The following MINDY1 variants were observed in gnomAD, a reference collection of about 807,000 sequenced individuals.
The protein encoded by MINDY1 is MINDY lysine 48 deubiquitinase 1.
In MINDY1, 50 loss-of-function variants were observed where a neutral mutation model predicts 53.6. The ratio of observed to expected loss-of-function variants is 0.93; its 90% CI spans 0.74 to 1.18. MINDY1 has a LOEUF of 1.18. MINDY1 is among the 50% of genes most tolerant of loss of function. The probability of loss-of-function intolerance (pLI) is 0.00; values close to 1 mark genes in which losing one functional copy is unlikely to be tolerated. For missense variants in MINDY1, 484 were observed against 578.6 expected, an observed-to-expected ratio of 0.84 and a Z score of 1.68; for synonymous variants, 231 against 234.7, an observed-to-expected ratio of 0.98 and a Z score of 0.14.
At chr1:151,000,329 G>C in intron 5 of MINDY1, 128 bp downstream of exon 5, 1 of 964,038 alleles carries the variant, frequency 1.0e-6, no homozygotes, top group Non-Finnish European at 1.5e-6. Flanking sequence ...ACTGGGTCCA[G>C]TCTCTAAACA....
upstream of MINDY1, among the ~76,000 whole-genome samples, chr1:151,007,755 T>G (rs587765698): frequency 1.3e-4 from 20 of 152,244 alleles, no homozygotes; most frequent in Middle Eastern, 3.4e-3. Flanking sequence ...AAAGTGGCAG[T>G]TAAGGGAGGT....
At position 150,997,701 on chromosome 1, in the gene MINDY1, G is replaced by T. The variant is rs747648667; in HGVS notation, c.1252C>A (p.Gln418Lys). The change falls in exon 9 of 10, where the codon CAG (glutamine) becomes AAG (lysine). Residue 418 changes from glutamine (Q) to lysine (K), a missense_variant. By Grantham distance (53) the Gln-to-Lys change is moderately conservative. Coordinates refer to ENST00000683666, the MANE Select transcript of MINDY1 (RefSeq NM_001376665.1). ...TGTTGATACTCCTCTTGCTGAAGCTGCTGGGCCAGCTCCAAGTCGGTAAGC... is the reference window on the plus strand; with the variant it reads ...TGTTGATACTCCTCTTGCTGAAGCTTCTGGGCCAGCTCCAAGTCGGTAAGC... ...LGLTDLELAQQLQQEEYQQQQ... is the reference protein window; with the variant it reads ...LGLTDLELAQKLQQEEYQQQQ... 6.2e-7 allele frequency: 1 copy of T among 1,613,730 alleles called. No individual in the cohort carries two copies. The highest frequency in any genetic ancestry group is 8.5e-7 in the Non-Finnish European group (1 of 1,180,030).
At chr1:150,997,558 G>A (rs1453128323) in intron 9 of MINDY1, 66 bp downstream of exon 9, 2 of 1,601,324 alleles carry the variant, frequency 1.2e-6, no homozygotes, top group East Asian at 2.2e-5. Flanking sequence ...AGGAATAACA[G>A]GTGTTCTGGA....
chr1:151,000,525 T>C lies in MINDY1; in HGVS notation c.667A>G (p.Thr223Ala). Residue 223 changes from threonine (T) to alanine (A), a missense_variant, in exon 5 of 10, where the codon ACA (threonine) becomes GCA (alanine). Transcript: ENST00000683666. ...RFTGVSDFEY[T>A]PECSVFDLLG... Reference sequence around the variant, plus strand: ...AGGTCAAAGACACTGCACTCGGGTGTATACTCAAAATCAGAGACGCCTGTG... The same window carrying C: ...AGGTCAAAGACACTGCACTCGGGTGCATACTCAAAATCAGAGACGCCTGTG... 6.2e-7 allele frequency: 1 copy of C among 1,614,112 alleles called. No individual in the cohort carries two copies. Among genetic ancestry groups the C allele is most frequent in the South Asian group, 1.1e-5 (1 of 91,070 alleles).
rs587699838 is a variant in MINDY1, at chr1:151,006,394, G to A, written c.-172C>T. The A allele has an allele frequency of 7.4e-7, 1 of 1,350,196 alleles. No homozygotes were observed. Among genetic ancestry groups the A allele is most frequent in the South Asian group, 1.7e-5 (1 of 59,742 alleles). 83.6% of individuals were successfully genotyped at this position (1,350,196 alleles called of 1,614,324 possible). Reference sequence around the variant, plus strand: ...GATGGGGGAGATAGGTGCAATGAAGGGGGCTGCCAGTGCCAGCTGCCTTCC... The same window carrying A: ...GATGGGGGAGATAGGTGCAATGAAGAGGGCTGCCAGTGCCAGCTGCCTTCC... On this transcript the variant is annotated 5_prime_UTR_variant, in exon 1 of 10. Coordinates refer to ENST00000683666, the MANE Select transcript of MINDY1 (RefSeq NM_001376665.1).
Position 151,001,615 on chromosome 1 carries a change from C to G in MINDY1, c.511+110G>C. The G allele has an allele frequency of 2.2e-6, 3 of 1,358,128 alleles. No individual in the cohort carries two copies. In the South Asian group the frequency reaches 3.8e-5, roughly 17 times the overall value. The allele number at this position is 1,358,128 out of a possible 1,614,324, so 84.1% of individuals were successfully genotyped here. On this transcript the variant is annotated intron_variant, in intron 3 of 9. Transcript: ENST00000683666. ...GAAGCCCCATAGACCCTTACCCTCC[C>G]TGCTGTATCAGAACCCCCAAATGGA...
rs756429078 is a variant in MINDY1 at position 150,999,350 on chromosome 1, A to AC, written c.981+18dup. On this transcript the variant is annotated intron_variant, in intron 7 of 9. Transcript: ENST00000683666. This position sits in a 1 kb window ranked among gnomAD's most constrained non-coding sequence, Gnocchi z 4.4. ...GGAAATGACAGCACCGCAGCACGCC[A>AC]CCCCCAAACTCGCATTACCTTATGC... is the stretch of plus-strand genomic sequence containing the variant. 9 of 1,613,200 alleles carry AC rather than the reference A, an allele frequency of 5.6e-6. No individual in the cohort carries two copies. The highest frequency in any genetic ancestry group is 6.8e-6 in the Non-Finnish European group (8 of 1,179,472).
At chr1:151,001,830 C>T (rs587720001) in intron 2 of MINDY1, 48 bp from the exon 3 acceptor site, 1 of 1,558,554 alleles carries the variant, frequency 6.4e-7, no homozygotes, top group South Asian at 1.2e-5. Context: ...CCAAAGAGCA[C>T]TGAAGGAAGA....
At position 151,002,114 on chromosome 1, in the gene MINDY1, G is replaced by A; in HGVS notation, c.453+51C>T. ...CAGGATGATCAAGGAAGTAAGTCAG[G>A]GAAGAGTACTCCCTGATATTTTTTG... On this transcript the variant is annotated intron_variant, in intron 2 of 9. Coordinates refer to ENST00000683666, the MANE Select transcript of MINDY1 (RefSeq NM_001376665.1). The surrounding 1 kb of genome is among the most constrained non-coding windows in gnomAD (Gnocchi z 4.1). 6.6e-7 allele frequency: 1 copy of A among 1,512,562 alleles called. No homozygotes were observed. The highest frequency in any genetic ancestry group is 1.8e-4 in the Middle Eastern group (1 of 5,468). 93.7% of individuals were successfully genotyped at this position (1,512,562 alleles called of 1,614,324 possible).
chr1:151,007,042 C>T (rs1473552053), upstream of MINDY1: 3 of 238,092 alleles, frequency 1.3e-5, no homozygotes, highest in South Asian at 3.1e-4. Context: ...GCAAAGAGCA[C>T]GATATTTGCA....
At chr1:151,008,380 T>G, upstream of MINDY1, 1 of 1,220,004 alleles carries the variant, frequency 8.2e-7, no homozygotes, top group Non-Finnish European at 1.1e-6. Context: ...CGGAAAGACG[T>G]CCCAGGAGCC....
Position 151,000,492 on chromosome 1 carries a change from T to G in MINDY1, c.700A>C (p.Ile234Leu). 1 of 1,613,498 alleles carries G rather than the reference T, an allele frequency of 6.2e-7. No individual in the cohort carries two copies. The highest frequency in any genetic ancestry group is 8.5e-7 in the Non-Finnish European group (1 of 1,179,778). The change falls in exon 5 of 10, where the codon ATA becomes CTA. Residue 234 changes from isoleucine to leucine, a missense_variant. Physicochemically the swap from Ile to Leu is conservative, Grantham distance 5. Transcript: ENST00000683666. Reference protein sequence around the residue: ...PECSVFDLLGIPLYHGWLVDP... With the variant: ...PECSVFDLLGLPLYHGWLVDP... ...ACAAGCCAGCCATGGTACAGAGGTA[T>G]GCCTAGCAGGTCAAAGACACTGCAC...
At chr1:150,997,928 G>T in intron 8 of MINDY1, 149 bp from the exon 9 acceptor site, 1 of 1,147,650 alleles carries the variant, frequency 8.7e-7, no homozygotes, top group Non-Finnish European at 1.2e-6. Context: ...ATTATCTGTG[G>T]TGCCAGAGAA....
intron 2 of MINDY1, 99 bp from the exon 3 acceptor site, chr1:151,001,881 G>T: frequency 2.2e-6 from 3 of 1,359,594 alleles, no homozygotes; most frequent in Non-Finnish European, 3.0e-6. Context: ...AGTAGGGTGG[G>T]GTAGGAAAAA....
chr1:151,001,204 C>T, intron 4 of MINDY1, 46 bp downstream of exon 4: 3 of 1,589,308 alleles, frequency 1.9e-6, no homozygotes, highest in Non-Finnish European at 2.6e-6. Context: ...CAAGATGTCC[C>T]CTTACAAACC....
chr1:151,000,356 C>T (rs1040196422), intron 5 of MINDY1, 101 bp downstream of exon 5: 2 of 1,247,396 alleles, frequency 1.6e-6, no homozygotes, highest in Non-Finnish European at 1.1e-6. Flanking sequence ...CCCTCCCAAG[C>T]CAATCTAACC....
chr1:151,000,771 T>C (rs765638670), intron 4 of MINDY1, among the ~76,000 whole-genome samples, 156 bp from the exon 5 acceptor site: 2 of 152,184 alleles, frequency 1.3e-5, no homozygotes, highest in South Asian at 2.1e-4. Context: ...CTCTATCTTA[T>C]ATAAATGAAC....
At chr1:151,006,006 T>C in intron 1 of MINDY1, 1 of 1,472,732 alleles carries the variant, frequency 6.8e-7, no homozygotes, top group Non-Finnish European at 9.2e-7. Flanking sequence ...CCAATCTCCT[T>C]CTTAGTCTGA....
At chr1:151,004,484 C>T (rs1558061056) in intron 1 of MINDY1, among the ~76,000 whole-genome samples, 1 of 152,070 alleles carries the variant, frequency 6.6e-6, no homozygotes, top group Non-Finnish European at 1.5e-5. Flanking sequence ...AATCCCAGCA[C>T]TTTGAGAGGC....
Sources: gnomAD v4.1 joint callset for allele counts (sites outside exome capture counted in the v4.1 genomes callset) on GRCh38, gnomAD v4.1.1 for gene constraint, Gnocchi (gnomAD v3.1) non-coding constraint, MANE v1.5 for transcripts, NCBI Gene and HGNC (gene_info 2026-07-23, HGNC 2026-07-21) for gene names.